MPND: variants seen among roughly 807,000 people sequenced by gnomAD.
MPND encodes MPN domain-containing protein.
Under a neutral mutation model 59.2 loss-of-function variants are expected in MPND, and 56 were observed. The observed-to-expected ratio is 0.95, with a 90% CI of 0.76 to 1.18. The LOEUF is 1.18. Ranked by LOEUF, MPND falls within the 50% of genes most tolerant of loss-of-function variation. MPND has a pLI of 0.00. For synonymous variants in MPND, 323 were observed against 291.9 expected (o/e 1.11, Z -1.09); for missense variants, 671 against 676.0 (o/e 0.99, Z 0.08).
At chr19:4,352,502 T>G (rs1217761422) in intron 3 of MPND, among the ~76,000 whole-genome samples, 1 of 152,070 alleles carries the variant, frequency 6.6e-6, no homozygotes, top group African/African-American at 2.4e-5. Flanking sequence ...CTGACCAACA[T>G]GGAGAAATCC....
intron 6 of MPND, 71 bp from the exon 7 acceptor site, chr19:4,354,878 C>A: frequency 7.0e-7 from 1 of 1,437,146 alleles, no homozygotes; most frequent in Non-Finnish European, 9.5e-7. Context: ...AGAATGAGGG[C>A]ACAGGCTGGC....
At chr19:4,349,327 C>T (rs965248017) in intron 3 of MPND, among the ~76,000 whole-genome samples, 28 of 152,198 alleles carry the variant, frequency 1.8e-4, no homozygotes, top group African/African-American at 5.3e-4. Flanking sequence ...CCACTCGCTT[C>T]GGTATCCCAA....
At chr19:4,349,591 A>G (rs963604691) in intron 3 of MPND, among the ~76,000 whole-genome samples, 2 of 151,492 alleles carry the variant, frequency 1.3e-5, no homozygotes, top group African/African-American at 4.9e-5. Flanking sequence ...GCTCACTGCA[A>G]CCTCCGCCTC....
chr19:4,358,912 G>A (rs1400734955), intron 11 of MPND, among the ~76,000 whole-genome samples: 5 of 152,130 alleles, frequency 3.3e-5, no homozygotes, highest in Non-Finnish European at 5.9e-5. Context: ...AACTGGGCTC[G>A]GTGAGTGCAG....
chr19:4,354,861 C>T lies in MPND; in HGVS notation c.847-88C>T, dbSNP rs1392522369. On this transcript the variant is annotated intron_variant, in intron 6 of 12. Transcript: ENST00000599840. ...CCTGGGCGACAGAGCAAGACTGAGT[C>T]TCAAAGAGAATGAGGGCACAGGCTG... 8.1e-6 allele frequency: 11 copies of T among 1,357,726 alleles called. No homozygotes were observed. The East Asian group carries it at 2.2e-4, about 27-fold the overall frequency. 84.1% of individuals were successfully genotyped at this position (1,357,726 alleles called of 1,614,324 possible).
chr19:4,345,040 CTT>C (rs773615575), intron 2 of MPND, among the ~76,000 whole-genome samples: 46 of 66,434 alleles, frequency 6.9e-4, no homozygotes, highest in African/African-American at 2.6e-3. Context: ...CATGCCCGGC[CTT>C]TTTTTTTTTT....
Position 4,357,223 on chromosome 19 carries a change from G to T in MPND, c.997-30G>T, listed in dbSNP as rs1430819631. 1.9e-6 allele frequency: 3 copies of T among 1,557,726 alleles called. No homozygotes were observed. The South Asian group carries it at 3.6e-5, about 19-fold the overall frequency. On this transcript the variant is annotated intron_variant, in intron 8 of 12. Coordinates refer to ENST00000599840, the MANE Select transcript of MPND (RefSeq NM_001300862.2). Reference sequence around the variant, plus strand: ...GCTCACTAGAGCCGTTCAGGCCCCTGTGCCCGCTGAGCTGCGCCTCTGTCC... The same window carrying T: ...GCTCACTAGAGCCGTTCAGGCCCCTTTGCCCGCTGAGCTGCGCCTCTGTCC...
At chr19:4,350,712 G>A (rs1305956010) in intron 3 of MPND, among the ~76,000 whole-genome samples, 1 of 152,206 alleles carries the variant, frequency 6.6e-6, no homozygotes. Flanking sequence ...GCTGTGTTGA[G>A]TGTGACCCTG....
intron 3 of MPND, among the ~76,000 whole-genome samples, chr19:4,350,964 G>T (rs1051296635): frequency 4.6e-5 from 7 of 152,244 alleles, no homozygotes; most frequent in South Asian, 2.1e-4. Flanking sequence ...CGGGGGTTGT[G>T]TGAGGACCGT....
chr19:4,354,170 T>A, intron 5 of MPND, 41 bp downstream of exon 5: 1 of 1,585,508 alleles, frequency 6.3e-7, no homozygotes, highest in Non-Finnish European at 8.6e-7. Flanking sequence ...CCAGCTCACC[T>A]GGATCTCTTG....
Position 4,357,978 on chromosome 19 carries a change from G to C in MPND, c.1237-105G>C, listed in dbSNP as rs539675983. 2.3e-6 allele frequency: 2 copies of C among 878,880 alleles called. 1 individual carries two copies. The highest frequency in any genetic ancestry group is 3.0e-5 in the South Asian group (2 of 65,652). The allele number at this position is 878,880 out of a possible 1,614,324, so 54.4% of individuals were successfully genotyped here. ...GCCGATCCCGGTGCAGAGCTGAGCC[G>C]GGGTGTGCACTCTCCCGTTCCCAGC... On this transcript the variant is annotated intron_variant, in intron 10 of 12. Transcript: ENST00000599840.
At position 4,358,098 on chromosome 19, in the gene MPND, T is replaced by C; in HGVS notation, c.1252T>C (p.Tyr418His). Reference protein sequence around the residue: ...MPPPEQRPSDYGIPMDVEMAY... With the variant: ...MPPPEQRPSDHGIPMDVEMAY... ...TCCCTGCCAGCAAAGGCCCAGTGAC[T>C]ATGGCATCCCCATGGATGTGGAGAT... Residue 418 changes from tyrosine (Y) to histidine (H), a missense_variant, in exon 11 of 13, where the codon TAT becomes CAT. Tyr to His is a moderately conservative substitution (Grantham distance 83). Coordinates refer to ENST00000599840, the MANE Select transcript of MPND (RefSeq NM_001300862.2). 1.3e-6 allele frequency: 2 copies of C among 1,551,474 alleles called. No homozygotes were observed. Among genetic ancestry groups the C allele is most frequent in the Middle Eastern group, 3.3e-4 (2 of 5,988 alleles).
intron 12 of MPND, 104 bp downstream of exon 12, chr19:4,359,359 A>G: frequency 2.5e-6 from 2 of 795,076 alleles, no homozygotes; most frequent in Non-Finnish European, 4.1e-6. Context: ...CAGGGGCCTG[A>G]GACAGCCCAG....
chr19:4,346,521 G>A (rs560531512), intron 3 of MPND, among the ~76,000 whole-genome samples: 4 of 151,926 alleles, frequency 2.6e-5, no homozygotes, highest in East Asian at 3.9e-4. Context: ...GGGTTCAAGC[G>A]ATCCTCCCAC....
chr19:4,343,635 G>A, intron 1 of MPND, 35 bp downstream of exon 1: 7 of 1,207,532 alleles, frequency 5.8e-6, no homozygotes, highest in Non-Finnish European at 7.2e-6. Context: ...GGCGCGGGGC[G>A]CGGGGCTGCA....
intron 3 of MPND, among the ~76,000 whole-genome samples, chr19:4,347,570 T>TA (rs1435428357): frequency 6.6e-6 from 1 of 152,034 alleles, no homozygotes; most frequent in Non-Finnish European, 1.5e-5. Flanking sequence ...AACTTTTTTT[T>TA]ATGTACGAAG....
In MPND at chr19:4,357,366, G is replaced by A. The variant is rs376188009; in HGVS notation, c.1110G>A (p.Gln370=). 1.6e-4 allele frequency: 256 copies of A among 1,613,006 alleles called. No individual in the cohort carries two copies. Among genetic ancestry groups the A allele is most frequent in the Non-Finnish European group, 2.1e-4 (250 of 1,179,960 alleles). The change falls in exon 9 of 13, where the codon CAG becomes CAA. Residue 370 remains glutamine (Q), a synonymous_variant. Transcript: ENST00000599840. ...LQDIDAQMDY[Q]LRLQGSSNGF... ...ACATCGACGCACAGATGGACTACCAGCTGCGGCTGCAGGGCTCCAGCAATG... is the reference window on the plus strand; with the variant it reads ...ACATCGACGCACAGATGGACTACCAACTGCGGCTGCAGGGCTCCAGCAATG...
chr19:4,355,458 C>A (rs56942202), intron 8 of MPND, among the ~76,000 whole-genome samples: 4,024 of 152,126 alleles, frequency 0.026, 176 homozygotes, highest in African/African-American at 0.093. Flanking sequence ...GCCTCAGCCT[C>A]CTGAATAGCT....
chr19:4,357,411 C>G lies in MPND; in HGVS notation c.1155C>G (p.Ala385=), dbSNP rs973422526. The G allele has an allele frequency of 2.5e-6, 4 of 1,612,478 alleles. No individual in the cohort carries two copies. In the African/African-American group the frequency reaches 5.3e-5, roughly 22 times the overall value. ...GCAATGGCTTCCAGCCCTGCCTCGCCCTGCTCTGCTGTACGCGGGATGGGG... is the reference window on the plus strand; with the variant it reads ...GCAATGGCTTCCAGCCCTGCCTCGCGCTGCTCTGCTGTACGCGGGATGGGG... ...GSSNGFQPCL[A]LLCSPYYSGN... is the part of the protein sequence containing the mutation. The change falls in exon 9 of 13, where the codon GCC becomes GCG. Residue 385 remains alanine (A), a synonymous_variant. Coordinates refer to ENST00000599840, the MANE Select transcript of MPND (RefSeq NM_001300862.2).
Sources: allele counts gnomAD v4.1 joint callset (sites outside exome capture counted in the v4.1 genomes callset), GRCh38; gene constraint gnomAD v4.1.1; transcripts MANE v1.5; gene names NCBI Gene and HGNC (gene_info 2026-07-23, HGNC 2026-07-21).